The following RBM27 variants were observed in gnomAD, a reference collection of about 807,000 sequenced individuals.
RBM27 encodes the protein RNA binding motif protein 27.
A neutral mutation model predicts 135.3 loss-of-function variants in RBM27; 22 were observed. The ratio of observed to expected loss-of-function variants is 0.16; its 90% CI spans 0.12 to 0.23. RBM27 has a LOEUF of 0.23. Ranked by LOEUF, RBM27 falls within the 10% of genes least tolerant of loss-of-function variation. The pLI, the probability that RBM27 is intolerant of heterozygous loss-of-function variation, is 1.00. For synonymous variants in RBM27, 481 were observed against 442.4 expected (o/e 1.09, Z -1.10); for missense variants, 1,009 against 1,281.0 (o/e 0.79, Z 3.24).
intron 8 of RBM27, among the ~76,000 whole-genome samples, chr5:146,238,235 G>C (rs1581177914): frequency 6.6e-6 from 1 of 152,102 alleles, no homozygotes; most frequent in Non-Finnish European, 1.5e-5. Context: ...TGGGCCAGGC[G>C]CGGTGGCTCA....
chr5:146,228,524 T>C (rs1561533296), intron 3 of RBM27, among the ~76,000 whole-genome samples: 1 of 151,944 alleles, frequency 6.6e-6, no homozygotes, highest in Non-Finnish European at 1.5e-5. Context: ...TCAAGTGATC[T>C]GCCCGCCCCG....
At chr5:146,228,812 T>C in intron 3 of RBM27, 134 bp from the exon 4 acceptor site, 1 of 591,850 alleles carries the variant, frequency 1.7e-6, no homozygotes, top group African/African-American at 1.9e-5. Flanking sequence ...GGAGTCTCCC[T>C]GTGTTTCCCA....
intron 1 of RBM27, among the ~76,000 whole-genome samples, chr5:146,207,358 C>T (rs919945638): frequency 2.0e-5 from 3 of 151,822 alleles, no homozygotes; most frequent in East Asian, 3.9e-4. Context: ...GGATTACAGG[C>T]GCCCGCCACC....
rs186566322 is a variant in RBM27 at position 146,245,332 on chromosome 5, C to T, written c.1280-6379C>T. 54 of 152,268 alleles carry T rather than the reference C, an allele frequency of 3.5e-4. No homozygotes were observed. The East Asian group carries it at 5.0e-3, about 14-fold the overall frequency. The allele number at this position is 152,268 out of a possible 1,614,324, so 9.4% of individuals were successfully genotyped here. On this transcript the variant is annotated intron_variant, in intron 8 of 20. Coordinates refer to ENST00000265271, the MANE Select transcript of RBM27 (RefSeq NM_018989.2). Reference sequence around the variant, plus strand: ...ACCATTATTAAGTAAAGTACACTCTCTTTTCTACCTTGCTTTTGGTCTGTT... The same window carrying T: ...ACCATTATTAAGTAAAGTACACTCTTTTTTCTACCTTGCTTTTGGTCTGTT...
At chr5:146,276,890 A>G (rs35575652) in intron 19 of RBM27, among the ~76,000 whole-genome samples, 1 of 152,200 alleles carries the variant, frequency 6.6e-6, no homozygotes, top group South Asian at 2.1e-4. Flanking sequence ...CCCTATCTTT[A>G]CAAAACAACT....
At chr5:146,214,224 C>G (rs1477545713) in intron 1 of RBM27, among the ~76,000 whole-genome samples, 1 of 152,174 alleles carries the variant, frequency 6.6e-6, no homozygotes, top group Non-Finnish European at 1.5e-5. Context: ...CTTTTCTAAT[C>G]TCCATGTTAT....
At chr5:146,235,132 A>G (rs1290121288) in intron 7 of RBM27, among the ~76,000 whole-genome samples, 1 of 152,120 alleles carries the variant, frequency 6.6e-6, no homozygotes, top group Non-Finnish European at 1.5e-5. Context: ...CAGTAGTTTT[A>G]ATGAATTTCT....
chr5:146,255,242 G>T, intron 10 of RBM27, 150 bp downstream of exon 10: 1 of 559,314 alleles, frequency 1.8e-6, no homozygotes, highest in South Asian at 5.2e-5. Flanking sequence ...ATTAATCTCA[G>T]ATTTTTTAAA....
At chr5:146,265,842 T>G (rs1047697994) in intron 14 of RBM27, among the ~76,000 whole-genome samples, 1 of 152,162 alleles carries the variant, frequency 6.6e-6, no homozygotes, top group Non-Finnish European at 1.5e-5. Context: ...AAAAGAGAGA[T>G]AGAAGATAGA....
chr5:146,251,053 GCGTGAGCCA>G (rs77457208), intron 8 of RBM27, among the ~76,000 whole-genome samples: 31,670 of 151,776 alleles, frequency 0.21, 4,169 homozygotes, highest in Admixed American at 0.33. Context: ...GGGATTACAG[GCGTGAGCCA>G]CGTGAGCCAC....
rs1755488623 is a variant in RBM27 at position 146,203,771 on chromosome 5, C to A, written c.6C>A (p.Leu2=). The change falls in exon 1 of 21, where the codon CTC becomes CTA. Residue 2 remains leucine (L), a synonymous_variant. Transcript: ENST00000265271. ...GAGCCCGCCTTCCCTGCACCATGCT[C>A]ATAGAGGATGTGGATGCCCTCAAGT... The part of the protein sequence containing the change: M[L]IEDVDALKSW... 2.6e-6 allele frequency: 4 copies of A among 1,550,634 alleles called. No homozygotes were observed. Among genetic ancestry groups the A allele is most frequent in the South Asian group, 1.2e-5 (1 of 83,978 alleles).
intron 18 of RBM27, 129 bp downstream of exon 18, chr5:146,271,187 G>A (rs1758847368): frequency 4.6e-6 from 3 of 649,636 alleles, no homozygotes; most frequent in Non-Finnish European, 8.0e-6. Flanking sequence ...GATCACCTGA[G>A]GTCAAGAGTT....
intron 2 of RBM27, among the ~76,000 whole-genome samples, 193 bp from the exon 3 acceptor site, chr5:146,223,210 A>G (rs1328599304): frequency 6.6e-6 from 1 of 152,144 alleles, no homozygotes; most frequent in Non-Finnish European, 1.5e-5. Flanking sequence ...AATCTTACAT[A>G]TATATCATTT....
intron 3 of RBM27, among the ~76,000 whole-genome samples, chr5:146,224,774 T>C (rs1756597134): frequency 6.6e-6 from 1 of 152,144 alleles, no homozygotes; most frequent in African/African-American, 2.4e-5. Context: ...AGTTGGAGTC[T>C]CCTTATGTTG....
chr5:146,239,093 T>G (rs1757291848), intron 8 of RBM27, among the ~76,000 whole-genome samples: 1 of 152,234 alleles, frequency 6.6e-6, no homozygotes, highest in African/African-American at 2.4e-5. Context: ...CTACCATCCC[T>G]GTTTTTGTCA....
chr5:146,261,747 C>A lies in RBM27; in HGVS notation c.2131C>A (p.Gln711Lys). 6.2e-7 allele frequency: 1 copy of A among 1,614,234 alleles called. No homozygotes were observed. Among genetic ancestry groups the A allele is most frequent in the Non-Finnish European group, 8.5e-7 (1 of 1,180,038 alleles). Residue 711 changes from glutamine to lysine, a missense_variant, in exon 13 of 21, where the codon CAG (glutamine) becomes AAG (lysine). Coordinates refer to ENST00000265271, the MANE Select transcript of RBM27 (RefSeq NM_018989.2). ...QHHHLPQHLHQQQVLVAQSAP... is the reference protein window; with the variant it reads ...QHHHLPQHLHKQQVLVAQSAP... ...CCATCACCTGCCACAGCATCTACAT[C>A]AGCAGCAGGTGCTAGTGGCCCAGTC...
At position 146,274,983 on chromosome 5, in the gene RBM27, CT is replaced by C. The variant is rs1361935999; in HGVS notation, c.2988+3317del. Among the ~76,000 whole-genome samples, 4 of 150,942 alleles carry C rather than the reference CT, an allele frequency of 2.7e-5. No individual in the cohort carries two copies. The South Asian group carries it at 6.3e-4, about 24-fold the overall frequency. On this transcript the variant is annotated intron_variant, in intron 19 of 20. Coordinates refer to ENST00000265271, the MANE Select transcript of RBM27 (RefSeq NM_018989.2). ...TCCTCTTTCCTTTCTAGTTCTTTTT[CT>C]TTTTTTTCTTTTTCTTCTTTGTACT...
At chr5:146,210,946 C>CAA (rs201750144) in intron 1 of RBM27, among the ~76,000 whole-genome samples, 2 of 108,580 alleles carry the variant, frequency 1.8e-5, no homozygotes, top group African/African-American at 3.5e-5. Flanking sequence ...GACTCCGTCT[C>CAA]AAAAAAAAAA....
chr5:146,216,197 C>G (rs937885607), intron 1 of RBM27, among the ~76,000 whole-genome samples: 1 of 152,302 alleles, frequency 6.6e-6, no homozygotes, highest in South Asian at 2.1e-4. Flanking sequence ...GCTGGGACCA[C>G]AGGTGCATGC....
Sources: allele counts gnomAD v4.1 joint callset (sites outside exome capture counted in the v4.1 genomes callset), GRCh38; gene constraint gnomAD v4.1.1; transcripts MANE v1.5; gene names NCBI Gene and HGNC (gene_info 2026-07-23, HGNC 2026-07-21).